The following GSAP variants were observed in gnomAD, a reference collection of about 807,000 sequenced individuals.
GSAP encodes the protein gamma-secretase activating protein.
GSAP carries 118 observed loss-of-function variants against 131.7 expected under a neutral mutation model. The observed-to-expected ratio is 0.90, with a 90% CI of 0.77 to 1.04. The LOEUF (loss-of-function observed/expected upper bound fraction) is 1.04, where lower values mean the gene tolerates loss of function less well. Among genes scored for constraint, GSAP ranks in the 50% least tolerant of loss-of-function variants. GSAP has a pLI of 0.00. For synonymous variants in GSAP, 381 were observed against 363.4 expected, an observed-to-expected ratio of 1.05 and a Z score of -0.55; for missense variants, 1,019 against 1,013.2, an observed-to-expected ratio of 1.01 and a Z score of -0.08.
intron 1 of GSAP, among the ~76,000 whole-genome samples, chr7:77,410,679 T>C (rs1413552447): frequency 1.3e-5 from 2 of 152,212 alleles, no homozygotes; most frequent in African/African-American, 2.4e-5. Context: ...CAATCTATTC[T>C]TTGTCAAACA....
At chr7:77,392,551 A>C (rs1319062367) in intron 5 of GSAP, among the ~76,000 whole-genome samples, 3 of 152,172 alleles carry the variant, frequency 2.0e-5, no homozygotes, top group Admixed American at 1.3e-4. Context: ...CTGTCTCAAA[A>C]AAGAAAAGAT....
At chr7:77,409,074 A>G (rs757253856) in intron 1 of GSAP, among the ~76,000 whole-genome samples, 1 of 152,176 alleles carries the variant, frequency 6.6e-6, no homozygotes, top group Non-Finnish European at 1.5e-5. Context: ...TTTTCTATAC[A>G]TGGGTATAAA....
intron 12 of GSAP, among the ~76,000 whole-genome samples, chr7:77,365,167 TG>T (rs1359831006): frequency 1.5e-5 from 2 of 135,364 alleles, no homozygotes; most frequent in African/African-American, 6.2e-5. Flanking sequence ...AGGGTGGTCT[TG>T]AACTCCCTGG....
At chr7:77,360,548 G>C (rs758052755) in intron 14 of GSAP, among the ~76,000 whole-genome samples, 3 of 152,044 alleles carry the variant, frequency 2.0e-5, no homozygotes, top group Non-Finnish European at 2.9e-5. Context: ...AGCTTTTTAG[G>C]CTGCTACCAA....
chr7:77,408,276 ATCTT>A (rs1163788748), intron 1 of GSAP, among the ~76,000 whole-genome samples: 2 of 152,218 alleles, frequency 1.3e-5, no homozygotes, highest in Non-Finnish European at 2.9e-5. Flanking sequence ...TTAACTGACC[ATCTT>A]TCTTCTAAAA....
At chr7:77,328,717 C>G in intron 21 of GSAP, 80 bp from the exon 22 acceptor site, 1 of 853,936 alleles carries the variant, frequency 1.2e-6, no homozygotes, top group Admixed American at 2.2e-5. Flanking sequence ...AAGATATCCT[C>G]CTTTAAAAAT....
rs1448468223 is a variant in GSAP at position 77,362,608 on chromosome 7, T to C, written c.924A>G (p.Thr308=). The C allele has an allele frequency of 6.3e-7, 1 of 1,576,010 alleles. No homozygotes were observed. ...CTTTATGAATGTAAAACACTGAATA[T>C]GTGATTTGTCCCCAAGAGGCACACT... is the stretch of plus-strand genomic sequence containing the variant. ...SPKCASWGQI[T]YSVFYIHKGH... Residue 308 remains threonine, a synonymous_variant, in exon 13 of 31, where the codon ACA becomes ACG. Coordinates refer to ENST00000257626, the MANE Select transcript of GSAP (RefSeq NM_017439.4).
rs1436101361 is a variant in GSAP at position 77,376,886 on chromosome 7, A to G, written c.703T>C (p.Cys235Arg). The change falls in exon 10 of 31, where the codon TGT (cysteine) becomes CGT (arginine). Residue 235 changes from cysteine to arginine, a missense_variant. Physicochemically the swap from Cys to Arg is radical, Grantham distance 180. Transcript: ENST00000257626. ...DLKKSRSILK[C>R]IQFYADESYN... The stretch of plus-strand genomic sequence containing the variant: ...CTCTCATCAGCATAAAACTGGATAC[A>G]TTTTAAGATACTCCTTGATTTCTAA... The G allele has an allele frequency of 4.0e-6, 6 of 1,481,998 alleles. No homozygotes were observed. Among genetic ancestry groups the G allele is most frequent in the Admixed American group, 4.1e-5 (2 of 48,802 alleles). The allele number at this position is 1,481,998 out of a possible 1,614,324, so 91.8% of individuals were successfully genotyped here.
chr7:77,388,656 T>C (rs550540118), intron 5 of GSAP, among the ~76,000 whole-genome samples: 2 of 152,364 alleles, frequency 1.3e-5, no homozygotes, highest in East Asian at 3.9e-4. Context: ...GTGACTTCAC[T>C]GTGAAAAATA....
intron 19 of GSAP, among the ~76,000 whole-genome samples, chr7:77,344,300 A>AGTTTTT (rs1233900542): frequency 2.6e-5 from 4 of 152,178 alleles, no homozygotes; most frequent in African/African-American, 9.7e-5. Flanking sequence ...GGTAAAATGG[A>AGTTTTT]CTAATGGTCT....
Position 77,330,357 on chromosome 7 carries a change from A to C in GSAP, c.1556T>G (p.Phe519Cys). ...IALPLMKVLS[F>C]KGYWEKLNSN... ...GTTCAGTTTTTCCCAGTAGCCCTTA[A>C]AGCTGAGCACCTGTAGGAGACAAAA... Residue 519 changes from phenylalanine (F) to cysteine (C), a missense_variant, in exon 20 of 31, where the codon TTT (phenylalanine) becomes TGT (cysteine). Transcript: ENST00000257626. 6.2e-7 allele frequency: 1 copy of C among 1,613,594 alleles called. No individual in the cohort carries two copies. Among genetic ancestry groups the C allele is most frequent in the Non-Finnish European group, 8.5e-7 (1 of 1,179,664 alleles).
At position 77,378,772 on chromosome 7, in the gene GSAP, T is replaced by A. The variant is rs184162633; in HGVS notation, c.577-1382A>T. 2.2e-3 allele frequency among the ~76,000 whole-genome samples: 337 copies of A among 152,288 alleles called. 4 individuals are homozygous for A. Among genetic ancestry groups the A allele is most frequent in the Non-Finnish European group, 3.8e-3 (257 of 68,018 alleles). On this transcript the variant is annotated intron_variant, in intron 8 of 30. Coordinates refer to ENST00000257626, the MANE Select transcript of GSAP (RefSeq NM_017439.4). ...TGCCCTTTCAGTGCATCAGCTGACC[T>A]CGAAATAATTTAACAGAAGCAGTTA... is the stretch of plus-strand genomic sequence containing the variant.
intron 6 of GSAP, among the ~76,000 whole-genome samples, chr7:77,385,439 A>C (rs543520159): frequency 6.6e-6 from 1 of 152,354 alleles, no homozygotes; most frequent in Admixed American, 6.5e-5. Context: ...CAATGTATAC[A>C]ACCACTTGCT....
intron 12 of GSAP, among the ~76,000 whole-genome samples, chr7:77,369,675 G>A (rs1489857535): frequency 2.0e-5 from 3 of 152,232 alleles, no homozygotes; most frequent in Non-Finnish European, 4.4e-5. Context: ...CTCCATGCCA[G>A]TGAAGAATTC....
chr7:77,347,846 G>A (rs577569043), intron 19 of GSAP, among the ~76,000 whole-genome samples: 1 of 152,130 alleles, frequency 6.6e-6, no homozygotes, highest in Non-Finnish European at 1.5e-5. Context: ...TTCTTCACTG[G>A]TTTGTTGTCC....
chr7:77,368,791 A>G (rs1192411501), intron 12 of GSAP, among the ~76,000 whole-genome samples: 1 of 152,236 alleles, frequency 6.6e-6, no homozygotes, highest in Non-Finnish European at 1.5e-5. Flanking sequence ...GATACTGTGT[A>G]TAAAGAGATT....
At chr7:77,368,542 C>T (rs1383643967) in intron 12 of GSAP, among the ~76,000 whole-genome samples, 1 of 152,196 alleles carries the variant, frequency 6.6e-6, no homozygotes, top group Non-Finnish European at 1.5e-5. Context: ...AAGTCAGAAT[C>T]TCTGGGGGGT....
At chr7:77,393,598 G>A (rs557138976) in intron 5 of GSAP, among the ~76,000 whole-genome samples, 2 of 151,496 alleles carry the variant, frequency 1.3e-5, no homozygotes, top group East Asian at 3.9e-4. Flanking sequence ...AGTGAGTCAC[G>A]CTTGACTTGT....
At chr7:77,334,224 C>T (rs780466285) in intron 19 of GSAP, among the ~76,000 whole-genome samples, 15 of 152,010 alleles carry the variant, frequency 9.9e-5, no homozygotes, top group Non-Finnish European at 4.4e-5. Flanking sequence ...ACATATACAC[C>T]GTGGAATACT....
Sources: gnomAD v4.1 joint callset for allele counts (sites outside exome capture counted in the v4.1 genomes callset) on GRCh38, gnomAD v4.1.1 for gene constraint, MANE v1.5 for transcripts, NCBI Gene and HGNC (gene_info 2026-07-23, HGNC 2026-07-21) for gene names.